Variants in ROBO1 observed in about 807,000 individuals in gnomAD.
ROBO1 encodes roundabout homolog 1.
ROBO1 carries 149 observed loss-of-function variants against 195.9 expected under a neutral mutation model. The ratio of observed to expected loss-of-function variants is 0.76; its 90% CI spans 0.67 to 0.87. The LOEUF is 0.87. Ranked by LOEUF, ROBO1 falls within the 40% of genes least tolerant of loss-of-function variation. The pLI is 0.00. For missense variants in ROBO1, 1,933 were observed against 2,068.3 expected (o/e 0.93, Z 1.27); for synonymous variants, 816 against 733.2 (o/e 1.11, Z -1.82).
At chr3:79,551,377 G>A (rs1942506011) in intron 2 of ROBO1, among the ~76,000 whole-genome samples, 1 of 146,370 alleles carries the variant, frequency 6.8e-6, no homozygotes, top group Non-Finnish European at 1.5e-5. Context: ...CACTGTTAAA[G>A]CAGCACAAAA....
chr3:79,452,975 G>A (rs1445192612), intron 2 of ROBO1, among the ~76,000 whole-genome samples: 1 of 152,028 alleles, frequency 6.6e-6, no homozygotes, highest in Non-Finnish European at 1.5e-5. Context: ...GAGAGTAACA[G>A]AGGGTACAGC....
chr3:79,484,753 A>ATATTTTTTTTTTTTTTTTTTTTTT (rs1402757273), intron 2 of ROBO1, among the ~76,000 whole-genome samples: 1 of 17,696 alleles, frequency 5.7e-5, no homozygotes, highest in African/African-American at 3.2e-4. Flanking sequence ...TCATTGCACT[A>ATATTTTTTTTTTTTTTTTTTTTTT]TCTTTTTTTT....
At chr3:79,659,940 G>A (rs539495617) in intron 1 of ROBO1, among the ~76,000 whole-genome samples, 2 of 152,140 alleles carry the variant, frequency 1.3e-5, no homozygotes, top group African/African-American at 4.8e-5. Flanking sequence ...GAAAAACAGA[G>A]CAATGATTGG....
chr3:79,685,971 C>G (rs1055676738), intron 1 of ROBO1, among the ~76,000 whole-genome samples: 1 of 152,152 alleles, frequency 6.6e-6, no homozygotes, highest in Non-Finnish European at 1.5e-5. Flanking sequence ...CAAAAATCCT[C>G]AATAAAATAC....
Position 78,720,281 on chromosome 3 carries a change from G to A in ROBO1, c.658-2398C>T, listed in dbSNP as rs369763109. 6.6e-5 allele frequency among the ~76,000 whole-genome samples: 10 copies of A among 152,282 alleles called. No homozygotes were observed. In the East Asian group the frequency reaches 9.7e-4, roughly 15 times the overall value. The stretch of plus-strand genomic sequence containing the variant: ...AATGTCACACAACAAGTGGAAACAA[G>A]GTGAAGACTTTAGGTCAGATATGTG... On this transcript the variant is annotated intron_variant, in intron 5 of 30. Transcript: ENST00000464233.
chr3:78,920,624 GTTTTT>G (rs34364869), intron 4 of ROBO1, among the ~76,000 whole-genome samples: 21 of 60,948 alleles, frequency 3.4e-4, no homozygotes, highest in Non-Finnish European at 4.8e-4. Flanking sequence ...CTTTCTTTCA[GTTTTT>G]TTTTTTTTTT....
intron 3 of ROBO1, among the ~76,000 whole-genome samples, chr3:79,085,587 C>T (rs956441391): frequency 2.0e-5 from 3 of 152,102 alleles, no homozygotes; most frequent in Admixed American, 6.6e-5. Flanking sequence ...TGCTGCTGTA[C>T]ATAAGAGAGT....
intron 4 of ROBO1, among the ~76,000 whole-genome samples, chr3:78,803,701 C>T (rs540136072): frequency 9.9e-5 from 15 of 151,666 alleles, no homozygotes; most frequent in Admixed American, 8.5e-4. Flanking sequence ...GGGCAATTGA[C>T]AGGATAAAGA....
At chr3:79,567,216 C>T (rs1021280299) in intron 2 of ROBO1, among the ~76,000 whole-genome samples, 1 of 152,034 alleles carries the variant, frequency 6.6e-6, no homozygotes, top group Non-Finnish European at 1.5e-5. Flanking sequence ...AACACATGGA[C>T]ACATAGAGGG....
intron 2 of ROBO1, among the ~76,000 whole-genome samples, chr3:79,203,949 G>T (rs758179242): frequency 2.0e-4 from 31 of 152,044 alleles, no homozygotes; most frequent in Admixed American, 3.3e-4. Context: ...TGTGCAATTG[G>T]TATCCTTTTA....
intron 2 of ROBO1, among the ~76,000 whole-genome samples, chr3:79,525,972 G>C (rs1941418314): frequency 6.6e-6 from 1 of 152,078 alleles, no homozygotes; most frequent in Non-Finnish European, 1.5e-5. Flanking sequence ...TTAAAGATAA[G>C]AGTATGCAAC....
At chr3:79,499,455 G>A (rs1939935801) in intron 2 of ROBO1, among the ~76,000 whole-genome samples, 2 of 152,136 alleles carry the variant, frequency 1.3e-5, no homozygotes, top group African/African-American at 4.8e-5. Context: ...AGTCCAACCT[G>A]TAGGCTATTT....
chr3:79,536,262 A>G (rs1442800309), intron 2 of ROBO1, among the ~76,000 whole-genome samples: 2 of 152,132 alleles, frequency 1.3e-5, no homozygotes, highest in Admixed American at 6.6e-5. Flanking sequence ...ACCTATATAC[A>G]CAGCCAAAGA....
chr3:79,220,705 A>C (rs1344325697), intron 2 of ROBO1, among the ~76,000 whole-genome samples: 1 of 151,996 alleles, frequency 6.6e-6, no homozygotes, highest in Non-Finnish European at 1.5e-5. Flanking sequence ...AAAGAGAAAG[A>C]ATCCCTTATT....
In ROBO1 at chr3:79,111,829, T is replaced by A. The variant is rs115870992; in HGVS notation, c.172+13627A>T. Among the ~76,000 whole-genome samples, 909 of 152,300 alleles carry A rather than the reference T, an allele frequency of 6.0e-3. 6 individuals are homozygous for A. The highest frequency in any genetic ancestry group is 0.021 in the African/African-American group (872 of 41,572). ...TTCCAGCTGTGTGCTTGGTATTGACTAATAAAACTTAGACACAAATGATGT... is the reference window on the plus strand; with the variant it reads ...TTCCAGCTGTGTGCTTGGTATTGACAAATAAAACTTAGACACAAATGATGT... On this transcript the variant is annotated intron_variant, in intron 3 of 30. Coordinates refer to ENST00000464233, the MANE Select transcript of ROBO1 (RefSeq NM_002941.4).
At chr3:79,666,046 A>G (rs1946467065) in intron 1 of ROBO1, among the ~76,000 whole-genome samples, 1 of 151,934 alleles carries the variant, frequency 6.6e-6, no homozygotes, top group African/African-American at 2.4e-5. Flanking sequence ...AAAACATTAA[A>G]TTTTCAGTAT....
In ROBO1 at chr3:79,705,140, G is replaced by A. The variant is rs148992729; in HGVS notation, c.-51+62612C>T. On this transcript the variant is annotated intron_variant, in intron 1 of 30. Coordinates refer to ENST00000464233, the MANE Select transcript of ROBO1 (RefSeq NM_002941.4). ...CTTCCACTCTGTGGCTTGTCTACTC[G>A]TTCTCTTGAAAGTCTCTTTTGCAGA... Among the ~76,000 whole-genome samples the A allele has an allele frequency of 1.9e-3, 284 of 151,572 alleles. 3 individuals are homozygous for A. Among genetic ancestry groups the A allele is most frequent in the East Asian group, 6.0e-3 (31 of 5,172 alleles).
At chr3:78,712,254 G>A (rs915543260) in intron 8 of ROBO1, among the ~76,000 whole-genome samples, 4 of 152,074 alleles carry the variant, frequency 2.6e-5, no homozygotes, top group Non-Finnish European at 4.4e-5. Flanking sequence ...GTTTGAGCTC[G>A]TAGTGACTCC....
chr3:78,843,739 A>G (rs2033448153), intron 4 of ROBO1, among the ~76,000 whole-genome samples: 2 of 152,174 alleles, frequency 1.3e-5, no homozygotes, highest in Non-Finnish European at 2.9e-5. Context: ...AAATAATCCT[A>G]GAAATCAAAG....
Sources: allele counts gnomAD v4.1 joint callset (sites outside exome capture counted in the v4.1 genomes callset), GRCh38; gene constraint gnomAD v4.1.1; transcripts MANE v1.5; gene names NCBI Gene and HGNC (gene_info 2026-07-23, HGNC 2026-07-21).